FHIT: variants seen among roughly 807,000 people sequenced by gnomAD.
FHIT encodes fragile histidine triad diadenosine triphosphatase.
In FHIT, 19 loss-of-function variants were observed where a neutral mutation model predicts 17.9. That is an observed-to-expected ratio of 1.06 (90% CI 0.74 to 1.56). FHIT has a LOEUF of 1.56. FHIT is among the 40% of genes most tolerant of loss of function. FHIT has a pLI of 0.00. For missense variants in FHIT, 248 were observed against 189.2 expected (o/e 1.31, Z -1.82); for synonymous variants, 81 against 69.7 (o/e 1.16, Z -0.81).
chr3:60,620,167 T>C (rs181692406), intron 4 of FHIT, among the ~76,000 whole-genome samples: 5 of 152,298 alleles, frequency 3.3e-5, no homozygotes, highest in Admixed American at 2.6e-4. Context: ...CTAGTGAGGA[T>C]GTGGGGCAAC....
intron 5 of FHIT, among the ~76,000 whole-genome samples, chr3:60,467,306 C>T (rs1034996579): frequency 6.6e-6 from 1 of 151,492 alleles, no homozygotes; most frequent in Non-Finnish European, 1.5e-5. Context: ...CTTTTTGTTT[C>T]ATTTACCTTT....
At chr3:61,045,247 G>A (rs906764846) in intron 2 of FHIT, among the ~76,000 whole-genome samples, 2 of 152,182 alleles carry the variant, frequency 1.3e-5, no homozygotes, top group African/African-American at 2.4e-5. Context: ...CATCTAACAT[G>A]CAGAGACACA....
chr3:60,270,568 G>T (rs894249129), intron 5 of FHIT, among the ~76,000 whole-genome samples: 14 of 152,156 alleles, frequency 9.2e-5, no homozygotes, highest in Admixed American at 1.3e-4. Flanking sequence ...ACATGCAGAA[G>T]ATTGAAATCT....
intron 5 of FHIT, among the ~76,000 whole-genome samples, chr3:60,111,585 G>C (rs1704673813): frequency 6.6e-6 from 1 of 152,122 alleles, no homozygotes; most frequent in Non-Finnish European, 1.5e-5. Flanking sequence ...ACTCCATTTT[G>C]CACAAATAAA....
At chr3:60,326,742 G>C (rs1037922255) in intron 5 of FHIT, among the ~76,000 whole-genome samples, 2 of 152,198 alleles carry the variant, frequency 1.3e-5, no homozygotes, top group African/African-American at 4.8e-5. Flanking sequence ...AGAGCTACTA[G>C]TAGTAGTGAC....
At chr3:60,482,245 C>A (rs1208639145) in intron 5 of FHIT, among the ~76,000 whole-genome samples, 1 of 152,136 alleles carries the variant, frequency 6.6e-6, no homozygotes, top group Non-Finnish European at 1.5e-5. Context: ...TAACACCATA[C>A]TGTTAATATT....
intron 8 of FHIT, among the ~76,000 whole-genome samples, chr3:59,782,919 T>G (rs548761780): frequency 6.6e-6 from 1 of 152,284 alleles, no homozygotes; most frequent in South Asian, 2.1e-4. Flanking sequence ...TGCTGGAATT[T>G]CAACACACTT....
At chr3:60,069,847 G>A (rs1371049665) in intron 5 of FHIT, among the ~76,000 whole-genome samples, 2 of 152,020 alleles carry the variant, frequency 1.3e-5, no homozygotes, top group Non-Finnish European at 2.9e-5. Flanking sequence ...ACACATCTAC[G>A]GTGTCCTAAG....
At position 60,053,671 on chromosome 3, in the gene FHIT, TC is replaced by T. The variant is rs1285240232; in HGVS notation, c.104-39520del. Among the ~76,000 whole-genome samples the T allele has an allele frequency of 2.6e-5, 4 of 152,010 alleles. No homozygotes were observed. The East Asian group carries it at 7.7e-4, about 29-fold the overall frequency. ...AAATTGAGTCTATCATTTGAAGACA[TC>T]CCCCACCCCCGCTTTTTTGCTTTCC... On this transcript the variant is annotated intron_variant, in intron 5 of 9. Coordinates refer to ENST00000492590, the MANE Select transcript of FHIT (RefSeq NM_002012.4).
intron 3 of FHIT, among the ~76,000 whole-genome samples, chr3:61,037,436 T>C (rs1328039071): frequency 6.6e-6 from 1 of 152,206 alleles, no homozygotes; most frequent in Non-Finnish European, 1.5e-5. Context: ...CAGATGATAT[T>C]AGATGGTACA....
In FHIT at chr3:59,875,946, G is replaced by GA. The variant is rs66497870; in HGVS notation, c.348+46399dup. Among the ~76,000 whole-genome samples, 369 of 112,356 alleles carry GA rather than the reference G, an allele frequency of 3.3e-3. 1 individual carries two copies. The highest frequency in any genetic ancestry group is 9.5e-3 in the Admixed American group (111 of 11,732). The allele number at this position is 112,356 out of a possible 152,430, so 73.7% of individuals were successfully genotyped here. On this transcript the variant is annotated intron_variant, in intron 8 of 9. Transcript: ENST00000492590. ...ACAACTCGTCTGTTTGATAAAAAAAGAAAAAAAAAAGAAAAAAAAAAGATT... is the reference window on the plus strand; with the variant it reads ...ACAACTCGTCTGTTTGATAAAAAAAGAAAAAAAAAAAGAAAAAAAAAAGATT...
chr3:60,192,197 G>T (rs1450931036), intron 5 of FHIT, among the ~76,000 whole-genome samples: 1 of 149,036 alleles, frequency 6.7e-6, no homozygotes, highest in African/African-American at 2.5e-5. Context: ...GTTGCAGTGA[G>T]CTGAGTTCAC....
intron 8 of FHIT, among the ~76,000 whole-genome samples, chr3:59,753,869 T>G (rs886178674): frequency 2.0e-5 from 3 of 152,126 alleles, no homozygotes; most frequent in African/African-American, 7.2e-5. Flanking sequence ...TTTGCCTTTT[T>G]ATTCATCCTG....
At chr3:60,348,299 C>T (rs2106931764) in intron 5 of FHIT, among the ~76,000 whole-genome samples, 1 of 152,226 alleles carries the variant, frequency 6.6e-6, no homozygotes, top group East Asian at 1.9e-4. Context: ...AATTTTTAAA[C>T]CCAGTATTTC....
intron 3 of FHIT, among the ~76,000 whole-genome samples, chr3:60,907,044 A>G (rs548344314): frequency 5.0e-4 from 76 of 152,320 alleles, no homozygotes; most frequent in African/African-American, 1.8e-3. Flanking sequence ...TCGATGGACA[A>G]TAGAACCCAT....
intron 5 of FHIT, among the ~76,000 whole-genome samples, chr3:60,094,942 G>C (rs1703880441): frequency 6.6e-6 from 1 of 152,216 alleles, no homozygotes; most frequent in African/African-American, 2.4e-5. Flanking sequence ...GAACGGACTT[G>C]AATTTTAGGA....
At chr3:60,635,415 GC>G (rs2039557498) in intron 4 of FHIT, among the ~76,000 whole-genome samples, 2 of 152,098 alleles carry the variant, frequency 1.3e-5, no homozygotes, top group South Asian at 4.2e-4. Flanking sequence ...GTGGCATTTG[GC>G]CAGTTGACCA....
At chr3:61,127,876 A>AAAG (rs200219739) in intron 2 of FHIT, among the ~76,000 whole-genome samples, 70 of 152,288 alleles carry the variant, frequency 4.6e-4, no homozygotes, top group Non-Finnish European at 8.1e-4. Context: ...TCTGAAAAAA[A>AAAG]AAGAAGAAGA....
intron 4 of FHIT, among the ~76,000 whole-genome samples, chr3:60,729,544 A>G (rs1406601520): frequency 6.6e-6 from 1 of 152,184 alleles, no homozygotes; most frequent in African/African-American, 2.4e-5. Context: ...CACCCAAGCC[A>G]GAGAGCTCTG....
Sources: allele counts gnomAD v4.1 joint callset (sites outside exome capture counted in the v4.1 genomes callset), GRCh38; gene constraint gnomAD v4.1.1; transcripts MANE v1.5; gene names NCBI Gene and HGNC (gene_info 2026-07-23, HGNC 2026-07-21).